The following NHSL2 variants were observed in gnomAD, a reference collection of about 807,000 sequenced individuals.
NHSL2 encodes NHS like 2.
NHSL2 carries 27 observed loss-of-function variants against 53.4 expected under a neutral mutation model. The observed-to-expected ratio is 0.51, with a 90% CI of 0.37 to 0.70. The LOEUF is 0.70. Among genes scored for constraint, NHSL2 ranks in the 30% least tolerant of loss-of-function variants. The pLI, the probability that NHSL2 is intolerant of heterozygous loss-of-function variation, is 0.00. For synonymous variants in NHSL2, 408 were observed against 404.1 expected, an observed-to-expected ratio of 1.01 and a Z score of -0.12; for missense variants, 892 against 980.1, an observed-to-expected ratio of 0.91 and a Z score of 1.20.
chrX:71,921,973 A>T (rs752750352), intron 1 of NHSL2, among the ~76,000 whole-genome samples: 9 of 112,371 alleles, frequency 8.0e-5, no homozygotes, highest in Non-Finnish European at 1.7e-4. Context: ...ATCCACAAAT[A>T]TAATTTGTAA....
intron 1 of NHSL2, among the ~76,000 whole-genome samples, chrX:72,126,112 G>A (rs1043169974): frequency 8.9e-6 from 1 of 111,980 alleles, no homozygotes; most frequent in African/African-American, 3.3e-5. Flanking sequence ...AATGATGTTG[G>A]CGAAAGTCCC....
intron 1 of NHSL2, among the ~76,000 whole-genome samples, chrX:71,973,477 G>T (rs369552846): frequency 9.0e-6 from 1 of 111,619 alleles, no homozygotes. Context: ...TCTAAATAAC[G>T]AGCCCCCTTA....
rs73624207 is a variant in NHSL2, at chrX:72,095,033, C to G, written c.281-37046C>G. ...ATGGGACCATCAGGCCTTATCAGCA[C>G]CACTTGGTCTAAAACAGAAACCAGG... On this transcript the variant is annotated intron_variant, in intron 1 of 7. Transcript: ENST00000633930. 1.5e-3 allele frequency among the ~76,000 whole-genome samples: 167 copies of G among 112,252 alleles called. 1 individual carries two copies. The highest frequency in any genetic ancestry group is 5.1e-3 in the African/African-American group (158 of 30,933).
At chrX:71,965,877 A>G (rs2041898755) in intron 1 of NHSL2, 1 of 112,617 alleles carries the variant, frequency 8.9e-6, no homozygotes, top group Non-Finnish European at 1.9e-5. Flanking sequence ...TAATATAAAC[A>G]GTAATTTTTA....
At chrX:72,008,353 A>C (rs1037742133) in intron 1 of NHSL2, among the ~76,000 whole-genome samples, 5 of 111,974 alleles carry the variant, frequency 4.5e-5, no homozygotes, top group African/African-American at 1.6e-4. Flanking sequence ...GTTTTCCAAA[A>C]TTCTGATGTG....
At chrX:71,976,570 A>T (rs2041949104) in intron 1 of NHSL2, among the ~76,000 whole-genome samples, 1 of 110,629 alleles carries the variant, frequency 9.0e-6, no homozygotes, top group Admixed American at 9.6e-5. Flanking sequence ...CTGTCTTATT[A>T]ATTTTTTTCT....
chrX:72,058,703 A>T (rs1602337638), intron 1 of NHSL2, among the ~76,000 whole-genome samples: 1 of 112,256 alleles, frequency 8.9e-6, no homozygotes, highest in African/African-American at 3.2e-5. Context: ...ATCTGTTAGG[A>T]TTCTCCAGTT....
At chrX:72,106,228 A>T (rs1159231719) in intron 1 of NHSL2, among the ~76,000 whole-genome samples, 7 of 109,725 alleles carry the variant, frequency 6.4e-5, no homozygotes, top group African/African-American at 2.3e-4. Flanking sequence ...AAGAAACTTG[A>T]ATTCATTCAT....
chrX:72,097,854 A>G (rs868277070), intron 1 of NHSL2, among the ~76,000 whole-genome samples: 5 of 111,979 alleles, frequency 4.5e-5, no homozygotes, highest in Admixed American at 9.5e-5. Context: ...TGGCAATTAA[A>G]TTGGTTTCCC....
intron 1 of NHSL2, among the ~76,000 whole-genome samples, chrX:72,051,306 T>C (rs927003967): frequency 8.9e-6 from 1 of 112,534 alleles, no homozygotes; most frequent in Admixed American, 9.4e-5. Flanking sequence ...AACATTCTTG[T>C]AGATATTTCC....
chrX:72,021,887 C>G (rs1234708828), intron 1 of NHSL2, among the ~76,000 whole-genome samples: 5 of 111,901 alleles, frequency 4.5e-5, no homozygotes, highest in Non-Finnish European at 9.4e-5. Flanking sequence ...CTCCTTCTTC[C>G]CCAGCACTTT....
intron 1 of NHSL2, 27 bp from the exon 2 acceptor site, chrX:72,132,052 C>T: frequency 8.6e-7 from 1 of 1,163,301 alleles, no homozygotes; most frequent in Non-Finnish European, 1.1e-6. Flanking sequence ...CTCGCCTGCG[C>T]CTCTCACTGA....
intron 1 of NHSL2, among the ~76,000 whole-genome samples, chrX:72,114,679 A>G (rs2042121346): frequency 8.9e-6 from 1 of 112,547 alleles, no homozygotes; most frequent in African/African-American, 3.2e-5. Flanking sequence ...AAGATGTGAC[A>G]TTGGACAAAG....
intron 1 of NHSL2, among the ~76,000 whole-genome samples, chrX:72,026,646 C>T (rs1322557857): frequency 8.9e-6 from 1 of 112,385 alleles, no homozygotes; most frequent in Non-Finnish European, 1.9e-5. Flanking sequence ...GAGGTGAGGG[C>T]GAGATAAGGT....
intron 1 of NHSL2, among the ~76,000 whole-genome samples, chrX:72,067,870 G>A (rs2042440689): frequency 8.9e-6 from 1 of 112,177 alleles, no homozygotes; most frequent in Non-Finnish European, 1.9e-5. Context: ...AGAGATGTTT[G>A]TGGAATTGTT....
intron 1 of NHSL2, among the ~76,000 whole-genome samples, chrX:72,066,860 T>C (rs981746684): frequency 1.8e-5 from 2 of 112,027 alleles, no homozygotes; most frequent in Non-Finnish European, 1.9e-5. Flanking sequence ...CTGGATGTGA[T>C]AGCTCACAGG....
intron 1 of NHSL2, among the ~76,000 whole-genome samples, chrX:71,924,118 C>A (rs996197453): frequency 8.9e-6 from 1 of 111,956 alleles, no homozygotes. Context: ...AAAAGACTTA[C>A]CTTTTGCTCT....
At chrX:72,022,898 T>C (rs1736097680) in intron 1 of NHSL2, among the ~76,000 whole-genome samples, 1 of 111,655 alleles carries the variant, frequency 9.0e-6, no homozygotes, top group African/African-American at 3.3e-5. Flanking sequence ...CCAGCCTGGA[T>C]ACAGTACCCC....
At chrX:72,096,325 A>T (rs1319754551) in intron 1 of NHSL2, among the ~76,000 whole-genome samples, 1 of 111,367 alleles carries the variant, frequency 9.0e-6, no homozygotes, top group East Asian at 2.8e-4. Context: ...AGGCAAGGAG[A>T]TATTTTAGCT....
Sources: allele counts gnomAD v4.1 joint callset (sites outside exome capture counted in the v4.1 genomes callset), GRCh38; gene constraint gnomAD v4.1.1; transcripts MANE v1.5; gene names NCBI Gene and HGNC (gene_info 2026-07-23, HGNC 2026-07-21).